The following SEMA3E variants were observed in gnomAD, a reference collection of about 807,000 sequenced individuals.
The protein encoded by SEMA3E is semaphorin-3E.
Under a neutral mutation model 93.6 loss-of-function variants are expected in SEMA3E, and 49 were observed. That is an observed-to-expected ratio of 0.52 (90% CI 0.42 to 0.66). The LOEUF (loss-of-function observed/expected upper bound fraction) is 0.66, where lower values mean the gene tolerates loss of function less well. Among genes scored for constraint, SEMA3E ranks in the 30% least tolerant of loss-of-function variants. SEMA3E has a pLI of 0.00. For synonymous variants in SEMA3E, 363 were observed against 330.7 expected (o/e 1.10, Z -1.06); for missense variants, 906 against 964.8 (o/e 0.94, Z 0.81).
At position 83,400,181 on chromosome 7, in the gene SEMA3E, C is replaced by A. The variant is rs1562764382; in HGVS notation, c.1213G>T (p.Ala405Ser). 1.2e-6 allele frequency: 2 copies of A among 1,613,944 alleles called. No homozygotes were observed. The highest frequency in any genetic ancestry group is 1.7e-6 in the Non-Finnish European group (2 of 1,179,954). Residue 405 changes from alanine to serine, a missense_variant, in exon 11 of 17, where the codon GCA becomes TCA. Physicochemically the swap from Ala to Ser is moderately conservative, Grantham distance 99. Transcript: ENST00000643230. ...TGGTACATTAGTGGATGACTTCTTG[C>A]AAATCGGATGGCATCATCAGGATAG... ...KDYPDDAIRF[A>S]RSHPLMYQAI... is the part of the protein sequence containing the mutation.
chr7:83,458,435 C>T (rs1286344400), intron 4 of SEMA3E, among the ~76,000 whole-genome samples: 1 of 151,628 alleles, frequency 6.6e-6, no homozygotes, highest in African/African-American at 2.4e-5. Flanking sequence ...TTGAGGAAAC[C>T]CCTTAATTCA....
chr7:83,405,206 A>G lies in SEMA3E; in HGVS notation c.998+244T>C, dbSNP rs141281164. On this transcript the variant is annotated intron_variant, in intron 9 of 16. Transcript: ENST00000643230. ...GATTACAGAGTGAAGATATCAGGAT[A>G]CTGAGCACAGGAGGATTCTGGGTAC... Among the ~76,000 whole-genome samples the G allele has an allele frequency of 2.0e-4, 30 of 152,206 alleles. No homozygotes were observed. The East Asian group carries it at 5.4e-3, about 27-fold the overall frequency.
intron 1 of SEMA3E, among the ~76,000 whole-genome samples, chr7:83,519,550 C>A (rs2115680695): frequency 6.6e-6 from 1 of 152,156 alleles, no homozygotes; most frequent in South Asian, 2.1e-4. Flanking sequence ...TCCTTGTTTT[C>A]TTCTCGTCTC....
intron 1 of SEMA3E, among the ~76,000 whole-genome samples, chr7:83,556,975 GC>G (rs2115822482): frequency 6.6e-6 from 1 of 152,206 alleles, no homozygotes; most frequent in Admixed American, 6.5e-5. Context: ...CACCAAACCT[GC>G]CAGAGTTTGA....
chr7:83,431,100 A>T (rs1788873324), intron 4 of SEMA3E, among the ~76,000 whole-genome samples: 1 of 64,662 alleles, frequency 1.5e-5, no homozygotes, highest in Non-Finnish European at 3.0e-5. Context: ...AAAAGAAAAA[A>T]AAAAAAAGCC....
intron 1 of SEMA3E, among the ~76,000 whole-genome samples, chr7:83,625,321 G>T (rs1793647869): frequency 6.6e-6 from 1 of 152,060 alleles, no homozygotes; most frequent in African/African-American, 2.4e-5. Flanking sequence ...GCACAGTATG[G>T]CCATTATCAT....
intron 11 of SEMA3E, among the ~76,000 whole-genome samples, chr7:83,397,008 G>A (rs1449993586): frequency 1.3e-5 from 2 of 151,776 alleles, no homozygotes; most frequent in Admixed American, 6.6e-5. Context: ...CTTGAACCTG[G>A]GAAGCAGAGG....
At chr7:83,589,639 T>C (rs1373306478) in intron 1 of SEMA3E, among the ~76,000 whole-genome samples, 1 of 152,184 alleles carries the variant, frequency 6.6e-6, no homozygotes, top group Non-Finnish European at 1.5e-5. Flanking sequence ...ATTTTAAATA[T>C]ATTTTAACCC....
intron 2 of SEMA3E, among the ~76,000 whole-genome samples, chr7:83,470,862 C>CTTTTTTTTT (rs60392556): frequency 1.3e-4 from 18 of 139,894 alleles, no homozygotes; most frequent in East Asian, 2.2e-4. Context: ...CCCACATTTT[C>CTTTTTTTTT]TTTTTTTTTT....
intron 2 of SEMA3E, among the ~76,000 whole-genome samples, chr7:83,473,327 T>A (rs1203340833): frequency 6.6e-6 from 1 of 152,194 alleles, no homozygotes; most frequent in Non-Finnish European, 1.5e-5. Flanking sequence ...ATGTGTACTG[T>A]TGTTAGACTG....
At chr7:83,647,844 ATCAAT>A (rs1332415993) in intron 1 of SEMA3E, among the ~76,000 whole-genome samples, 13 of 152,204 alleles carry the variant, frequency 8.5e-5, no homozygotes, top group Admixed American at 3.9e-4. Flanking sequence ...AATTCTAATA[ATCAAT>A]TCAACTGGAA....
chr7:83,450,917 G>A (rs756266913), intron 4 of SEMA3E, among the ~76,000 whole-genome samples: 63 of 152,122 alleles, frequency 4.1e-4, no homozygotes, highest in Non-Finnish European at 6.2e-4. Context: ...AGGAGAGGGG[G>A]CAATAAGCTT....
chr7:83,616,662 G>A (rs1322196746), intron 1 of SEMA3E: 3 of 442,616 alleles, frequency 6.8e-6, no homozygotes, highest in East Asian at 1.4e-4. Context: ...CTTCATTCAA[G>A]TTGTGAAGGC....
intron 1 of SEMA3E, among the ~76,000 whole-genome samples, chr7:83,508,553 C>A (rs975638972): frequency 2.6e-5 from 4 of 152,100 alleles, no homozygotes; most frequent in African/African-American, 7.2e-5. Context: ...TGAGCCACTG[C>A]GCCTGGCTTA....
intron 1 of SEMA3E, among the ~76,000 whole-genome samples, chr7:83,638,530 T>G (rs191776730): frequency 2.6e-5 from 4 of 152,324 alleles, no homozygotes; most frequent in African/African-American, 9.6e-5. Context: ...ATATTTAAAT[T>G]ATGTGCTAAA....
At chr7:83,393,766 A>G (rs1356645401) in intron 13 of SEMA3E, among the ~76,000 whole-genome samples, 1 of 152,154 alleles carries the variant, frequency 6.6e-6, no homozygotes, top group Non-Finnish European at 1.5e-5. Context: ...TTTACACCAA[A>G]CTGATTTCAG....
At chr7:83,527,311 C>T (rs3779435) in intron 1 of SEMA3E, among the ~76,000 whole-genome samples, 79,938 of 151,762 alleles carry the variant, frequency 0.53, 23,373 homozygotes, top group Middle Eastern at 0.69. Flanking sequence ...GGCAATTCCA[C>T]TTGTGGTACT....
At chr7:83,514,756 G>A (rs1366515358) in intron 1 of SEMA3E, among the ~76,000 whole-genome samples, 1 of 152,026 alleles carries the variant, frequency 6.6e-6, no homozygotes, top group Admixed American at 6.6e-5. Flanking sequence ...GAGGTACATG[G>A]CCATTATTAA....
intron 2 of SEMA3E, among the ~76,000 whole-genome samples, chr7:83,483,266 GTTAC>G (rs936199116): frequency 2.6e-5 from 4 of 152,108 alleles, no homozygotes; most frequent in African/African-American, 7.2e-5. Context: ...ATATTTCAAT[GTTAC>G]TTTAGAGTTG....
Sources: allele counts gnomAD v4.1 joint callset (sites outside exome capture counted in the v4.1 genomes callset), GRCh38; gene constraint gnomAD v4.1.1; transcripts MANE v1.5; gene names NCBI Gene and HGNC (gene_info 2026-07-23, HGNC 2026-07-21).